LARGE1: variants seen among roughly 807,000 people sequenced by gnomAD.
LARGE1 encodes LARGE xylosyl- and glucuronyltransferase 1, also known as xylosyl- and glucuronyltransferase LARGE1.
Under a neutral mutation model 87.6 loss-of-function variants are expected in LARGE1, and 43 were observed. That is an observed-to-expected ratio of 0.49 (90% CI 0.38 to 0.63). LARGE1 has a LOEUF of 0.63. LARGE1 is among the 30% of genes least tolerant of loss of function. LARGE1 has a pLI of 0.00. For synonymous variants in LARGE1, 434 were observed against 394.6 expected, an observed-to-expected ratio of 1.10 and a Z score of -1.18; for missense variants, 802 against 1,000.2, an observed-to-expected ratio of 0.80 and a Z score of 2.67.
chr22:33,235,335 G>A (rs918099535), intron 11 of LARGE1, among the ~76,000 whole-genome samples: 1 of 152,192 alleles, frequency 6.6e-6, no homozygotes, highest in African/African-American at 2.4e-5. Context: ...ATACATTCGA[G>A]TGGTTATTTT....
the LARGE1 span, among the ~76,000 whole-genome samples, chr22:33,099,040 C>T: frequency 1.3e-5 from 2 of 152,106 alleles, no homozygotes; most frequent in Non-Finnish European, 2.9e-5. Flanking sequence ...TTGAGTTACC[C>T]ATCATCAAGT....
chr22:33,445,560 T>G (rs948859799), intron 6 of LARGE1, among the ~76,000 whole-genome samples: 1 of 151,942 alleles, frequency 6.6e-6, no homozygotes, highest in African/African-American at 2.4e-5. Context: ...TTGGTCTTTG[T>G]CCCTCCTTGA....
At chr22:33,437,841 T>C (rs565295458) in intron 6 of LARGE1, among the ~76,000 whole-genome samples, 14 of 152,216 alleles carry the variant, frequency 9.2e-5, no homozygotes, top group African/African-American at 3.4e-4. Context: ...TGAAGCAGCA[T>C]GATATTAGCA....
At chr22:33,659,039 C>G (rs1237769559) in intron 2 of LARGE1, among the ~76,000 whole-genome samples, 4 of 152,196 alleles carry the variant, frequency 2.6e-5, no homozygotes, top group African/African-American at 9.6e-5. Flanking sequence ...TGTAGCTCCT[C>G]CAAGCATAGG....
intron 4 of LARGE1, among the ~76,000 whole-genome samples, chr22:33,622,446 T>C (rs1415375642): frequency 2.0e-5 from 3 of 152,182 alleles, no homozygotes; most frequent in East Asian, 3.9e-4. Flanking sequence ...TAAACCCCTT[T>C]CCTTTACAAA....
chr22:33,329,619 C>T (rs1258999622), intron 10 of LARGE1, among the ~76,000 whole-genome samples: 1 of 152,096 alleles, frequency 6.6e-6, no homozygotes, highest in Non-Finnish European at 1.5e-5. Context: ...CTCTGGACAA[C>T]CCCCTCCACC....
At chr22:33,367,305 T>C (rs1393115365) in intron 9 of LARGE1, among the ~76,000 whole-genome samples, 1 of 152,206 alleles carries the variant, frequency 6.6e-6, no homozygotes, top group Non-Finnish European at 1.5e-5. Flanking sequence ...TTTTTCTTGA[T>C]GAGTCTCGCC....
intron 6 of LARGE1, among the ~76,000 whole-genome samples, chr22:33,500,767 G>A (rs528503005): frequency 6.6e-6 from 1 of 152,320 alleles, no homozygotes; most frequent in Admixed American, 6.5e-5. Context: ...TTAATCTAAT[G>A]AGTGGCATTA....
At chr22:33,502,362 G>A (rs772073874) in intron 6 of LARGE1, among the ~76,000 whole-genome samples, 2 of 152,202 alleles carry the variant, frequency 1.3e-5, no homozygotes, top group Non-Finnish European at 2.9e-5. Flanking sequence ...CGAAGGAAGA[G>A]CAGGTGTAAA....
chr22:33,755,067 C>T (rs533178546), intron 2 of LARGE1, among the ~76,000 whole-genome samples: 2 of 152,318 alleles, frequency 1.3e-5, no homozygotes, highest in South Asian at 2.1e-4. Flanking sequence ...CTTTAACTTA[C>T]AATTCTTTCA....
intron 3 of LARGE1, among the ~76,000 whole-genome samples, chr22:33,636,163 A>C (rs1649739505): frequency 6.6e-6 from 1 of 152,206 alleles, no homozygotes; most frequent in African/African-American, 2.4e-5. Context: ...TTTACACAGA[A>C]AACATTAAAG....
chr22:33,604,344 G>T, intron 5 of LARGE1, 91 bp downstream of exon 5: 1 of 1,540,520 alleles, frequency 6.5e-7, no homozygotes, highest in South Asian at 1.1e-5. Flanking sequence ...TAGGAGCTGA[G>T]ATTTCTGGCA....
At chr22:33,224,678 G>T (rs1291811863) in intron 11 of LARGE1, among the ~76,000 whole-genome samples, 2 of 152,024 alleles carry the variant, frequency 1.3e-5, no homozygotes, top group African/African-American at 4.8e-5. Flanking sequence ...CAAGCTCCCT[G>T]GTGCCAGCTG....
At chr22:33,698,329 C>T (rs1007155890) in intron 2 of LARGE1, among the ~76,000 whole-genome samples, 1 of 151,402 alleles carries the variant, frequency 6.6e-6, no homozygotes, top group African/African-American at 2.4e-5. Context: ...CCGCCTTAGC[C>T]TCACTCAGTC....
chr22:33,815,723 G>C (rs1403562302), intron 1 of LARGE1, among the ~76,000 whole-genome samples: 1 of 152,152 alleles, frequency 6.6e-6, no homozygotes. Flanking sequence ...TTGTAGCAAG[G>C]ATCTGAACTC....
intron 1 of LARGE1, among the ~76,000 whole-genome samples, chr22:33,838,478 A>C (rs1041000092): frequency 6.6e-6 from 1 of 152,092 alleles, no homozygotes; most frequent in Admixed American, 6.6e-5. Flanking sequence ...ATCTCTACAA[A>C]AAGTTTAAAG....
At position 33,507,490 on chromosome 22, in the gene LARGE1, C is replaced by A. The variant is rs549601533; in HGVS notation, c.787+57358G>T. The stretch of plus-strand genomic sequence containing the variant: ...CATATGACTCCACTTATATGGGATA[C>A]CTAGAATATTCAAATTCATTGAGAC... On this transcript the variant is annotated intron_variant, in intron 6 of 14. Coordinates refer to ENST00000397394, the MANE Select transcript of LARGE1 (RefSeq NM_133642.5). Among the ~76,000 whole-genome samples, 16 of 152,046 alleles carry A rather than the reference C, an allele frequency of 1.1e-4. 1 individual carries two copies. The highest frequency in any genetic ancestry group is 6.8e-3 in the Middle Eastern group (2 of 292).
intron 2 of LARGE1, among the ~76,000 whole-genome samples, chr22:33,676,004 CTTTTTTTT>C (rs67419753): frequency 6.7e-6 from 1 of 148,654 alleles, no homozygotes; most frequent in South Asian, 2.1e-4. Flanking sequence ...TGGAGGTTTT[CTTTTTTTT>C]TTTAAGTACT....
At chr22:33,085,162 G>T in the LARGE1 span, among the ~76,000 whole-genome samples, 2 of 152,222 alleles carry the variant, frequency 1.3e-5, no homozygotes, top group Non-Finnish European at 2.9e-5. Flanking sequence ...TGTAGTCCCA[G>T]CTGCTCGGGA....
Sources: allele counts gnomAD v4.1 joint callset (sites outside exome capture counted in the v4.1 genomes callset), GRCh38; gene constraint gnomAD v4.1.1; transcripts MANE v1.5; gene names NCBI Gene and HGNC (gene_info 2026-07-23, HGNC 2026-07-21).